The following IL1RAPL1 variants were observed in gnomAD, a reference collection of about 807,000 sequenced individuals.
The protein encoded by IL1RAPL1 is interleukin-1 receptor accessory protein-like 1.
IL1RAPL1 carries 3 observed loss-of-function variants against 48.4 expected under a neutral mutation model. The observed-to-expected ratio is 0.06, with a 90% CI of 0.03 to 0.16. IL1RAPL1 has a LOEUF of 0.16. Among genes scored for constraint, IL1RAPL1 ranks in the 10% least tolerant of loss-of-function variants. IL1RAPL1 has a pLI of 1.00. For missense variants in IL1RAPL1, 349 were observed against 530.6 expected, an observed-to-expected ratio of 0.66 and a Z score of 3.36; for synonymous variants, 185 against 187.7, an observed-to-expected ratio of 0.99 and a Z score of 0.12.
chrX:29,952,936 TG>T (rs1933346744), intron 9 of IL1RAPL1, among the ~76,000 whole-genome samples: 1 of 111,728 alleles, frequency 9.0e-6, no homozygotes, highest in African/African-American at 3.3e-5. Flanking sequence ...TTTCTGAGTT[TG>T]CCCTGAAAAG....
At chrX:28,989,559 T>C (rs1376131122) in intron 2 of IL1RAPL1, among the ~76,000 whole-genome samples, 4 of 112,360 alleles carry the variant, frequency 3.6e-5, no homozygotes, top group African/African-American at 1.3e-4. Context: ...CCTCTATTGA[T>C]ACACTGACGC....
chrX:29,587,537 C>CA (rs779332245), intron 5 of IL1RAPL1, among the ~76,000 whole-genome samples: 10 of 111,320 alleles, frequency 9.0e-5, no homozygotes, highest in South Asian at 3.8e-4. Context: ...ATTTTCAATG[C>CA]AAAAAATAAG....
chrX:28,875,558 C>G (rs1230517095), intron 2 of IL1RAPL1, among the ~76,000 whole-genome samples: 1 of 111,723 alleles, frequency 9.0e-6, no homozygotes, highest in Non-Finnish European at 1.9e-5. Flanking sequence ...TGCTCCACAT[C>G]TCATGTTCAA....
intron 1 of IL1RAPL1, among the ~76,000 whole-genome samples, chrX:28,736,413 A>G (rs1169432676): frequency 1.1e-5 from 1 of 93,343 alleles, no homozygotes; most frequent in Non-Finnish European, 2.1e-5. Flanking sequence ...CAGACCGGGC[A>G]ATAGTGTGAG....
chrX:29,119,185 G>A (rs1928733334), intron 2 of IL1RAPL1, among the ~76,000 whole-genome samples: 1 of 110,857 alleles, frequency 9.0e-6, no homozygotes, highest in Non-Finnish European at 1.9e-5. Context: ...ATGTAAGGAT[G>A]TATAAAATGT....
intron 6 of IL1RAPL1, among the ~76,000 whole-genome samples, chrX:29,814,134 A>C (rs754360650): frequency 3.4e-4 from 38 of 112,128 alleles, no homozygotes; most frequent in African/African-American, 1.2e-3. Flanking sequence ...GTTGAATGGT[A>C]GTTCTGTCTT....
chrX:29,371,992 A>G (rs770123907), intron 3 of IL1RAPL1, among the ~76,000 whole-genome samples: 2 of 112,302 alleles, frequency 1.8e-5, no homozygotes, highest in African/African-American at 3.2e-5. Flanking sequence ...TTCTTTGAGA[A>G]GTCTCCAAGC....
At chrX:28,627,654 A>G (rs760231632) in intron 1 of IL1RAPL1, among the ~76,000 whole-genome samples, 9 of 111,875 alleles carry the variant, frequency 8.0e-5, no homozygotes, top group African/African-American at 2.9e-4. Flanking sequence ...GTTTTCTACC[A>G]ATCTTTCTGT....
intron 3 of IL1RAPL1, among the ~76,000 whole-genome samples, chrX:29,296,381 A>G (rs1569279295): frequency 9.0e-6 from 1 of 111,579 alleles, no homozygotes; most frequent in East Asian, 2.8e-4. Context: ...TTTGAGGGAA[A>G]ATTAGTAGCC....
intron 3 of IL1RAPL1, among the ~76,000 whole-genome samples, chrX:29,338,270 T>TACACACACACACAC (rs898418959): frequency 6.4e-5 from 7 of 109,822 alleles, no homozygotes; most frequent in Non-Finnish European, 1.3e-4. Flanking sequence ...CACACACACA[T>TACACACACACACAC]ACACACACAC....
At chrX:28,918,048 T>G (rs1028059197) in intron 2 of IL1RAPL1, among the ~76,000 whole-genome samples, 2 of 112,578 alleles carry the variant, frequency 1.8e-5, no homozygotes, top group Non-Finnish European at 3.8e-5. Context: ...ATATAATTCC[T>G]GTTTTGCTGT....
At chrX:29,833,104 A>G (rs1321773327) in intron 6 of IL1RAPL1, among the ~76,000 whole-genome samples, 2 of 112,101 alleles carry the variant, frequency 1.8e-5, no homozygotes, top group Non-Finnish European at 3.8e-5. Context: ...CTTCAGATAT[A>G]AAACAAGCAC....
intron 6 of IL1RAPL1, among the ~76,000 whole-genome samples, chrX:29,718,603 T>TAAAAAAAA (rs11438049): frequency 3.7e-5 from 3 of 80,374 alleles, no homozygotes; most frequent in African/African-American, 1.5e-4. Context: ...GCTAAAGTAT[T>TAAAAAAAA]AAAAAAAAAA....
intron 6 of IL1RAPL1, among the ~76,000 whole-genome samples, chrX:29,898,674 T>C (rs1441814115): frequency 9.2e-6 from 1 of 108,527 alleles, no homozygotes; most frequent in Non-Finnish European, 1.9e-5. Context: ...ATACGAATAG[T>C]GTGAATGATT....
At chrX:29,040,868 T>C (rs1295851496) in intron 2 of IL1RAPL1, among the ~76,000 whole-genome samples, 3 of 112,088 alleles carry the variant, frequency 2.7e-5, no homozygotes, top group South Asian at 3.7e-4. Context: ...TTCAGGTTTA[T>C]TTGCTAACTG....
At position 29,618,145 on chromosome X, in the gene IL1RAPL1, TAAG is replaced by T. The variant is rs777704530; in HGVS notation, c.704-50282_704-50280del. 1.8e-4 allele frequency among the ~76,000 whole-genome samples: 20 copies of T among 111,839 alleles called. 1 individual carries two copies. The South Asian group carries it at 5.9e-3, about 33-fold the overall frequency. Reference sequence around the variant, plus strand: ...GTAAATGTTATCTAAAATATAATAATAAGAAAAACCAAAAGAATTCATAACTAG... The same window carrying T: ...GTAAATGTTATCTAAAATATAATAATAAAAACCAAAAGAATTCATAACTAG... On this transcript the variant is annotated intron_variant, in intron 5 of 10. Coordinates refer to ENST00000378993, the MANE Select transcript of IL1RAPL1 (RefSeq NM_014271.4).
At chrX:28,895,189 A>G (rs1922880802) in intron 2 of IL1RAPL1, among the ~76,000 whole-genome samples, 1 of 110,732 alleles carries the variant, frequency 9.0e-6, no homozygotes, top group African/African-American at 3.3e-5. Context: ...GGGTAGGCAA[A>G]ACAATTTGGT....
intron 3 of IL1RAPL1, among the ~76,000 whole-genome samples, chrX:29,284,158 C>A (rs1246993607): frequency 8.9e-6 from 1 of 112,014 alleles, no homozygotes; most frequent in Non-Finnish European, 1.9e-5. Flanking sequence ...CACCTAGTGT[C>A]TTTTTCAAAT....
intron 5 of IL1RAPL1, among the ~76,000 whole-genome samples, chrX:29,572,855 A>G (rs1309140408): frequency 1.8e-5 from 2 of 112,583 alleles, no homozygotes; most frequent in Non-Finnish European, 3.8e-5. Context: ...CCAAATAGCA[A>G]TACATTCCAG....
Sources: gnomAD v4.1 joint callset for allele counts (sites outside exome capture counted in the v4.1 genomes callset) on GRCh38, gnomAD v4.1.1 for gene constraint, MANE v1.5 for transcripts, NCBI Gene and HGNC (gene_info 2026-07-23, HGNC 2026-07-21) for gene names.